KIDINS220: variants seen among roughly 807,000 people sequenced by gnomAD.
KIDINS220 encodes kinase D-interacting substrate of 220 kDa.
A neutral mutation model predicts 157.6 loss-of-function variants in KIDINS220; 63 were observed. That is an observed-to-expected ratio of 0.40 (90% CI 0.33 to 0.49). The LOEUF (loss-of-function observed/expected upper bound fraction) is 0.49. Ranked by LOEUF, KIDINS220 falls within the 20% of genes least tolerant of loss-of-function variation. KIDINS220 has a pLI of 0.66. For missense variants in KIDINS220, 1,772 were observed against 2,171.2 expected, an observed-to-expected ratio of 0.82 and a Z score of 3.65; for synonymous variants, 732 against 783.6, an observed-to-expected ratio of 0.93 and a Z score of 1.10.
chr2:8,758,637 C>G (rs1019755209), intron 22 of KIDINS220, among the ~76,000 whole-genome samples: 1 of 151,872 alleles, frequency 6.6e-6, no homozygotes, highest in African/African-American at 2.4e-5. Context: ...TCTAGCTCCT[C>G]GAGGTGTTAG....
chr2:8,753,393 T>C (rs1667614703), intron 22 of KIDINS220, among the ~76,000 whole-genome samples: 1 of 152,158 alleles, frequency 6.6e-6, no homozygotes, highest in South Asian at 2.1e-4. Flanking sequence ...GTTAGGAATG[T>C]GAGGCAGGAG....
chr2:8,778,188 A>T (rs1671227631), intron 20 of KIDINS220, among the ~76,000 whole-genome samples: 1 of 152,228 alleles, frequency 6.6e-6, no homozygotes, highest in Admixed American at 6.5e-5. Flanking sequence ...GGAAGGACAC[A>T]AATTACTATG....
chr2:8,819,791 C>T (rs921090304), intron 2 of KIDINS220, among the ~76,000 whole-genome samples: 2 of 152,034 alleles, frequency 1.3e-5, no homozygotes, highest in African/African-American at 4.8e-5. Flanking sequence ...CATCACTGCA[C>T]TCCAGCCTGG....
At position 8,731,430 on chromosome 2, in the gene KIDINS220, G is replaced by T; in HGVS notation, c.4606C>A (p.Leu1536Met). ...SGTEESDNTP[L>M]LKDDKDRKAE... ...TTTCTGTCTTTGTCATCTTTGAGCA[G>T]TGGAGTGTTATCTGATTCTTCTGTG... Residue 1536 changes from leucine to methionine, a missense_variant, in exon 30 of 30, where the codon CTG (leucine) becomes ATG (methionine). Leu to Met is a conservative substitution (Grantham distance 15). This residue lies in a region of KIDINS220 where 793 missense variants were observed against 885.5 expected (regional missense o/e 0.90). Transcript: ENST00000256707. The surrounding 1 kb of genome is among the most constrained non-coding windows in gnomAD (Gnocchi z 5.2). 1 of 1,614,220 alleles carries T rather than the reference G, an allele frequency of 6.2e-7. No individual in the cohort carries two copies. The highest frequency in any genetic ancestry group is 1.1e-5 in the South Asian group (1 of 91,080).
chr2:8,751,436 T>A, intron 23 of KIDINS220, 30 bp downstream of exon 23: 2 of 1,542,566 alleles, frequency 1.3e-6, no homozygotes, highest in Non-Finnish European at 1.8e-6. Flanking sequence ...GAACTTTAGA[T>A]GAAAAATTAA....
At chr2:8,812,354 C>T in intron 6 of KIDINS220, 41 bp downstream of exon 6, 1 of 1,066,520 alleles carries the variant, frequency 9.4e-7, no homozygotes, top group African/African-American at 1.6e-5. Context: ...ACTGAGTGGA[C>T]ATAACATGGA....
rs375000969 is a variant in KIDINS220, at chr2:8,750,298, T to C, written c.3228A>G (p.Gly1076=). 1.4e-5 allele frequency: 23 copies of C among 1,611,702 alleles called. No homozygotes were observed. In the African/African-American group the frequency reaches 2.8e-4, roughly 20 times the overall value. The part of the protein sequence containing the change: ...RAAREQISIG[G]LAYPPLPLHE... ...GTAGAGGGAGCGGGGGGTACGCCAGTCCTCCAATACTGATCTGCTCTCTGG... is the reference window on the plus strand; with the variant it reads ...GTAGAGGGAGCGGGGGGTACGCCAGCCCTCCAATACTGATCTGCTCTCTGG... The change falls in exon 24 of 30, where the codon GGA becomes GGG. Residue 1076 remains glycine, a synonymous_variant. Coordinates refer to ENST00000256707, the MANE Select transcript of KIDINS220 (RefSeq NM_020738.4).
Position 8,750,353 on chromosome 2 carries a change from A to G in KIDINS220, c.3191-18T>C, listed in dbSNP as rs748497915. ...ACGAACATCTGAAAGATTCAATCAG[A>G]CCCCAGAAGGCAAGAGAAAACAGGA... On this transcript the variant is annotated intron_variant, in intron 23 of 29. Transcript: ENST00000256707. The G allele has an allele frequency of 6.0e-6, 9 of 1,492,966 alleles. No homozygotes were observed. In the South Asian group the frequency reaches 1.3e-4, roughly 21 times the overall value. 92.5% of individuals were successfully genotyped at this position (1,492,966 alleles called of 1,614,324 possible). A position where few individuals can be genotyped will look rare whatever the true frequency, so the allele number is the denominator to read the frequency against.
chr2:8,761,113 T>A (rs1266683991), intron 22 of KIDINS220, among the ~76,000 whole-genome samples: 1 of 152,204 alleles, frequency 6.6e-6, no homozygotes, highest in Non-Finnish European at 1.5e-5. Context: ...TGAGATCAAA[T>A]TTTCATAGCT....
chr2:8,727,695 TAA>T (rs1258179333), downstream of KIDINS220, among the ~76,000 whole-genome samples: 1 of 151,578 alleles, frequency 6.6e-6, no homozygotes, highest in Non-Finnish European at 1.5e-5. Flanking sequence ...TTTTCGCAAG[TAA>T]GTTTCATTTA....
chr2:8,731,534 C>T lies in KIDINS220; in HGVS notation c.4502G>A (p.Ser1501Asn), dbSNP rs772961189. ...LPGKKSSERSSLFQTDLKLKG... is the reference protein window; with the variant it reads ...LPGKKSSERSNLFQTDLKLKG... ...AAGCTTCAAATCTGTCTGGAAGAGGCTTGACCTTTCGGAAGATTTCTTGCC... is the reference window on the plus strand; with the variant it reads ...AAGCTTCAAATCTGTCTGGAAGAGGTTTGACCTTTCGGAAGATTTCTTGCC... The change falls in exon 30 of 30, where the codon AGC (serine) becomes AAC (asparagine). Residue 1501 changes from serine (S) to asparagine (N), a missense_variant. Around this residue, in one of 3 missense-constraint regions of KIDINS220, gnomAD observed 793 missense variants for 885.5 expected, o/e 0.90. Coordinates refer to ENST00000256707, the MANE Select transcript of KIDINS220 (RefSeq NM_020738.4). The surrounding 1 kb of genome is among the most constrained non-coding windows in gnomAD (Gnocchi z 5.2). The T allele has an allele frequency of 1.2e-6, 2 of 1,614,106 alleles. No individual in the cohort carries two copies. Among genetic ancestry groups the T allele is most frequent in the African/African-American group, 2.7e-5 (2 of 74,932 alleles).
At chr2:8,807,566 C>A (rs1675635844) in intron 6 of KIDINS220, among the ~76,000 whole-genome samples, 1 of 152,172 alleles carries the variant, frequency 6.6e-6, no homozygotes, top group African/African-American at 2.4e-5. Flanking sequence ...TAATGTAAGT[C>A]TAAGTAGTCC....
intron 25 of KIDINS220, 74 bp downstream of exon 25, chr2:8,747,813 G>T: frequency 1.1e-6 from 1 of 892,520 alleles, no homozygotes; most frequent in Non-Finnish European, 1.6e-6. Flanking sequence ...CTATGTAAAG[G>T]AAATAACCAA....
In KIDINS220 at chr2:8,796,873, T is replaced by C. The variant is rs1558442462; in HGVS notation, c.1000-4A>G. On this transcript the variant is annotated splice_polypyrimidine_tract_variant and splice_region_variant and intron_variant, in intron 10 of 29. Coordinates refer to ENST00000256707, the MANE Select transcript of KIDINS220 (RefSeq NM_020738.4). ...TTATAAGTGGCGTTTCACCATCCTGTGGGCACAAATAAGAACATTTGCCAG... is the reference window on the plus strand; with the variant it reads ...TTATAAGTGGCGTTTCACCATCCTGCGGGCACAAATAAGAACATTTGCCAG... The C allele has an allele frequency of 1.2e-6, 2 of 1,609,504 alleles. No individual in the cohort carries two copies. The highest frequency in any genetic ancestry group is 1.7e-5 in the Admixed American group (1 of 60,002).
Position 8,750,165 on chromosome 2 carries a change from G to A in KIDINS220, c.3361C>T (p.His1121Tyr). ...FAGGVVSPQP[H>Y]SSYYSGMTGP... ...GTCATGCCGCTGTAATAGCTGCTGT[G>A]AGGCTGTGGTGACACCACTCCACCT... Residue 1121 changes from histidine to tyrosine, a missense_variant, in exon 24 of 30, where the codon CAC becomes TAC. This residue lies in a region of KIDINS220 where 793 missense variants were observed against 885.5 expected (regional missense o/e 0.90). Coordinates refer to ENST00000256707, the MANE Select transcript of KIDINS220 (RefSeq NM_020738.4). 1 of 1,614,202 alleles carries A rather than the reference G, an allele frequency of 6.2e-7. No homozygotes were observed. The highest frequency in any genetic ancestry group is 8.5e-7 in the Non-Finnish European group (1 of 1,180,020).
rs562882637 is a variant in KIDINS220 at position 8,729,856 on chromosome 2, T to C, written c.*864A>G. Reference sequence around the variant, plus strand: ...ATTTATTAGTACCTATTATTACCCATGTCTCCCTGATTTTCCAGAAAAAGA... The same window carrying C: ...ATTTATTAGTACCTATTATTACCCACGTCTCCCTGATTTTCCAGAAAAAGA... On this transcript the variant is annotated 3_prime_UTR_variant, in exon 30 of 30. Transcript: ENST00000256707. 2.7e-5 allele frequency: 27 copies of C among 984,406 alleles called. No homozygotes were observed. In the South Asian group the frequency reaches 6.1e-4, roughly 22 times the overall value. The allele number at this position is 984,406 out of a possible 1,614,324, so 61.0% of individuals were successfully genotyped here.
intron 6 of KIDINS220, among the ~76,000 whole-genome samples, chr2:8,810,666 A>G (rs569445604): frequency 6.6e-6 from 1 of 152,224 alleles, no homozygotes; most frequent in East Asian, 1.9e-4. Context: ...CGCACCTGTA[A>G]TCCCAGCTAC....
At chr2:8,817,573 T>C (rs1421460617) in intron 4 of KIDINS220, 45 bp downstream of exon 4, 10 of 1,055,284 alleles carry the variant, frequency 9.5e-6, no homozygotes, top group Admixed American at 2.2e-5. Context: ...TCTATGATTA[T>C]AAATAAGATT....
intron 26 of KIDINS220, among the ~76,000 whole-genome samples, chr2:8,739,654 C>T (rs1050364685): frequency 6.6e-6 from 1 of 152,136 alleles, no homozygotes; most frequent in Non-Finnish European, 1.5e-5. Context: ...TTTGAGAATA[C>T]ACAGACTAGT....
Sources: allele counts gnomAD v4.1 joint callset (sites outside exome capture counted in the v4.1 genomes callset), GRCh38; gene constraint gnomAD v4.1.1; regional missense constraint gnomAD v4.1.1; non-coding constraint Gnocchi (gnomAD v3.1); transcripts MANE v1.5; gene names NCBI Gene and HGNC (gene_info 2026-07-23, HGNC 2026-07-21).